CNBD1: variants seen among roughly 807,000 people sequenced by gnomAD.
CNBD1 encodes the protein cyclic nucleotide-binding domain-containing protein 1.
Under a neutral mutation model 54.4 loss-of-function variants are expected in CNBD1, and 71 were observed. That is an observed-to-expected ratio of 1.30 (90% CI 1.08 to 1.59). The LOEUF is 1.59. Among genes scored for constraint, CNBD1 ranks in the 40% most tolerant of loss-of-function variants. The probability of loss-of-function intolerance (pLI) is 0.00; values close to 1 mark genes in which losing one functional copy is unlikely to be tolerated. For synonymous variants in CNBD1, 182 were observed against 170.7 expected, an observed-to-expected ratio of 1.07 and a Z score of -0.51; for missense variants, 659 against 518.0, an observed-to-expected ratio of 1.27 and a Z score of -2.64.
intron 4 of CNBD1, among the ~76,000 whole-genome samples, chr8:87,159,145 G>T (rs1586297335): frequency 6.6e-6 from 1 of 152,178 alleles, no homozygotes; most frequent in East Asian, 1.9e-4. Context: ...ATTTGCATTA[G>T]ATTATAAAAG....
intron 4 of CNBD1, among the ~76,000 whole-genome samples, chr8:87,092,461 G>A (rs929957918): frequency 6.7e-6 from 1 of 148,854 alleles, no homozygotes; most frequent in Non-Finnish European, 1.5e-5. Flanking sequence ...ACACATATGT[G>A]TGTGTGTGTA....
intron 6 of CNBD1, among the ~76,000 whole-genome samples, chr8:87,268,885 C>T (rs1043673919): frequency 2.6e-5 from 4 of 151,862 alleles, no homozygotes; most frequent in African/African-American, 9.7e-5. Context: ...CAGTTTACTC[C>T]GTTTATAGTT....
intron 5 of CNBD1, among the ~76,000 whole-genome samples, chr8:87,215,913 A>G (rs866493447): frequency 5.3e-5 from 8 of 152,210 alleles, no homozygotes; most frequent in Admixed American, 4.6e-4. Context: ...AAACCCTGGT[A>G]GCCACTAGCC....
intron 4 of CNBD1, among the ~76,000 whole-genome samples, chr8:87,203,745 A>G (rs561352955): frequency 2.0e-5 from 3 of 152,344 alleles, no homozygotes; most frequent in South Asian, 2.1e-4. Context: ...ATGAATATGT[A>G]TATTTCTGGT....
chr8:87,263,346 G>T (rs908897454), intron 6 of CNBD1, among the ~76,000 whole-genome samples: 3 of 151,796 alleles, frequency 2.0e-5, no homozygotes, highest in Non-Finnish European at 4.4e-5. Context: ...TAAATGAATT[G>T]TTTTTGCCCA....
At chr8:87,270,953 A>G (rs777463271) in intron 6 of CNBD1, among the ~76,000 whole-genome samples, 29 of 151,562 alleles carry the variant, frequency 1.9e-4, no homozygotes, top group Non-Finnish European at 3.5e-4. Context: ...TTTGTTACTC[A>G]TTATTTGTTT....
intron 4 of CNBD1, among the ~76,000 whole-genome samples, chr8:86,943,262 T>G (rs1347307325): frequency 6.9e-6 from 1 of 145,084 alleles, no homozygotes; most frequent in East Asian, 2.1e-4. Context: ...GTGCCTATAG[T>G]CCCAGCTACT....
intron 4 of CNBD1, among the ~76,000 whole-genome samples, chr8:87,104,259 G>T (rs976856149): frequency 6.6e-6 from 1 of 152,194 alleles, no homozygotes; most frequent in South Asian, 2.1e-4. Context: ...GAACAAAAGA[G>T]TCAAGATATT....
In CNBD1 at chr8:87,206,076, A is replaced by T; in HGVS notation, c.515A>T (p.Asp172Val). 3.1e-6 allele frequency: 5 copies of T among 1,607,590 alleles called. No individual in the cohort carries two copies. Among genetic ancestry groups the T allele is most frequent in the Non-Finnish European group, 4.2e-6 (5 of 1,176,840 alleles). ...TIPDLTFQLNDKHLKTLSKTV... is the reference protein window; with the variant it reads ...TIPDLTFQLNVKHLKTLSKTV... ...CCAGATTTAACCTTTCAGCTAAATGATAAGCATCTGAAAACACTTAGTAAG... is the reference window on the plus strand; with the variant it reads ...CCAGATTTAACCTTTCAGCTAAATGTTAAGCATCTGAAAACACTTAGTAAG... The change falls in exon 5 of 11, where the codon GAT becomes GTT. Residue 172 changes from aspartate to valine, a missense_variant. Coordinates refer to ENST00000518476, the MANE Select transcript of CNBD1 (RefSeq NM_173538.3).
intron 10 of CNBD1, among the ~76,000 whole-genome samples, chr8:87,363,828 TC>T (rs1439016227): frequency 2.6e-5 from 4 of 152,144 alleles, no homozygotes; most frequent in Non-Finnish European, 5.9e-5. Context: ...GATGATAGTT[TC>T]TTTTGCTGTG....
intron 4 of CNBD1, among the ~76,000 whole-genome samples, chr8:87,190,919 ATATC>A (rs1413961166): frequency 1.4e-5 from 2 of 147,444 alleles, no homozygotes; most frequent in African/African-American, 2.5e-5. Context: ...ACATGTATCT[ATATC>A]TATTTAGATA....
intron 10 of CNBD1, among the ~76,000 whole-genome samples, chr8:87,382,327 A>G (rs953135695): frequency 6.6e-6 from 1 of 151,896 alleles, no homozygotes; most frequent in Non-Finnish European, 1.5e-5. Context: ...AATATCAGCA[A>G]GAAACATAAT....
intron 2 of CNBD1, among the ~76,000 whole-genome samples, chr8:87,390,129 TA>T (rs1479457275): frequency 6.6e-6 from 1 of 151,626 alleles, no homozygotes; most frequent in East Asian, 1.9e-4. Context: ...ACGTTAGACC[TA>T]AAACCATAAA....
chr8:87,414,768 A>C (rs1305360318), intron 2 of CNBD1, among the ~76,000 whole-genome samples: 3 of 135,882 alleles, frequency 2.2e-5, no homozygotes. Context: ...AACTAAAGTA[A>C]AAAACTTGTT....
At position 87,361,796 on chromosome 8, in the gene CNBD1, T is replaced by TGG. The variant is rs140033034; in HGVS notation, c.1303+8016_1303+8017dup. Reference sequence around the variant, plus strand: ...ATCAATTGGTTTATAAAGAAATAGATGGGGGGGTAGAATTTGAAATATAAA... The same window carrying TGG: ...ATCAATTGGTTTATAAAGAAATAGATGGGGGGGGGTAGAATTTGAAATATAAA... On this transcript the variant is annotated intron_variant, in intron 10 of 10. Transcript: ENST00000518476. 2.5e-3 allele frequency among the ~76,000 whole-genome samples: 370 copies of TGG among 150,880 alleles called. 4 individuals are homozygous for TGG. The highest frequency in any genetic ancestry group is 8.1e-3 in the African/African-American group (334 of 41,048).
At chr8:86,956,106 G>C (rs2130457949) in intron 4 of CNBD1, among the ~76,000 whole-genome samples, 1 of 152,126 alleles carries the variant, frequency 6.6e-6, no homozygotes, top group Non-Finnish European at 1.5e-5. Flanking sequence ...CCCATTGCTT[G>C]TTTTTCTCAG....
In CNBD1 at chr8:87,089,520, G is replaced by T. The variant is rs574787136; in HGVS notation, c.432-116473G>T. 5.6e-4 allele frequency among the ~76,000 whole-genome samples: 85 copies of T among 152,168 alleles called. 1 individual carries two copies. The highest frequency in any genetic ancestry group is 1.9e-3 in the African/African-American group (81 of 41,544). ...ATTGTGACTAACTAATGGTTTGTCT[G>T]GATTTGTTGGGGATTAAGAGACATA... On this transcript the variant is annotated intron_variant, in intron 4 of 10. Transcript: ENST00000518476.
chr8:87,024,042 C>A (rs1449808680), intron 4 of CNBD1, among the ~76,000 whole-genome samples: 3 of 151,862 alleles, frequency 2.0e-5, no homozygotes, highest in Admixed American at 2.0e-4. Flanking sequence ...TCAAGACCAT[C>A]CTGGCTAACA....
intron 4 of CNBD1, among the ~76,000 whole-genome samples, chr8:87,160,558 A>G (rs1729705169): frequency 6.6e-6 from 1 of 152,170 alleles, no homozygotes; most frequent in Non-Finnish European, 1.5e-5. Context: ...CAACAACATA[A>G]AACAATAGGA....
Sources: gnomAD v4.1 joint callset for allele counts (sites outside exome capture counted in the v4.1 genomes callset) on GRCh38, gnomAD v4.1.1 for gene constraint, MANE v1.5 for transcripts, NCBI Gene and HGNC (gene_info 2026-07-23, HGNC 2026-07-21) for gene names.